Variants in PCDH15 observed in about 807,000 individuals in gnomAD.
The protein encoded by PCDH15 is protocadherin-15.
Under a neutral mutation model 178.5 loss-of-function variants are expected in PCDH15, and 129 were observed. That is an observed-to-expected ratio of 0.72 (90% CI 0.63 to 0.84). PCDH15 has a LOEUF of 0.84. Ranked by LOEUF, PCDH15 falls within the 40% of genes least tolerant of loss-of-function variation. The pLI, the probability that PCDH15 is intolerant of heterozygous loss-of-function variation, is 0.00. For synonymous variants in PCDH15, 800 were observed against 732.0 expected, an observed-to-expected ratio of 1.09 and a Z score of -1.50; for missense variants, 2,230 against 2,099.9, an observed-to-expected ratio of 1.06 and a Z score of -1.21.
chr10:54,266,968 T>A (rs2057733054), intron 8 of PCDH15, among the ~76,000 whole-genome samples: 1 of 151,512 alleles, frequency 6.6e-6, no homozygotes, highest in Non-Finnish European at 1.5e-5. Flanking sequence ...ATATGGCAAA[T>A]ACACACACAC....
intron 3 of PCDH15, among the ~76,000 whole-genome samples, chr10:54,835,577 T>G (rs926917457): frequency 6.6e-6 from 1 of 152,122 alleles, no homozygotes; most frequent in Non-Finnish European, 1.5e-5. Context: ...CCCACCTTGA[T>G]GCACATGGAA....
chr10:53,811,892 C>T (rs1455801030), intron 35 of PCDH15, among the ~76,000 whole-genome samples: 6 of 152,112 alleles, frequency 3.9e-5, no homozygotes, highest in Non-Finnish European at 7.4e-5. Context: ...AATGGCAAAC[C>T]TGTTAAAACT....
At chr10:55,127,279 A>G (rs917889627) in intron 2 of PCDH15, among the ~76,000 whole-genome samples, 7 of 152,032 alleles carry the variant, frequency 4.6e-5, no homozygotes, top group African/African-American at 1.7e-4. Context: ...CCACTACTTG[A>G]TGCTTTATCA....
At chr10:54,638,687 T>C (rs2093918981) in intron 2 of PCDH15, among the ~76,000 whole-genome samples, 3 of 152,056 alleles carry the variant, frequency 2.0e-5, no homozygotes, top group Admixed American at 1.3e-4. Context: ...CTACTAGGTA[T>C]CTACTCAAAG....
Position 53,814,983 on chromosome 10 carries a change from C to T in PCDH15, c.4491+1256G>A, listed in dbSNP as rs1472087713. On this transcript the variant is annotated intron_variant, in intron 35 of 37. Coordinates refer to ENST00000644397, the MANE Select transcript of PCDH15 (RefSeq NM_001384140.1). Reference sequence around the variant, plus strand: ...GTCTCAAAAAAAAAAAAAAAAAAATCGAGTAAGGAACTGCTGACCAGTCAG... The same window carrying T: ...GTCTCAAAAAAAAAAAAAAAAAAATTGAGTAAGGAACTGCTGACCAGTCAG... Among the ~76,000 whole-genome samples, 8 of 143,166 alleles carry T rather than the reference C, an allele frequency of 5.6e-5. No homozygotes were observed. The East Asian group carries it at 1.5e-3, about 26-fold the overall frequency. 93.9% of individuals were successfully genotyped at this position (143,166 alleles called of 152,430 possible).
intron 3 of PCDH15, among the ~76,000 whole-genome samples, chr10:54,821,081 AG>A (rs1347010210): frequency 6.6e-6 from 1 of 152,090 alleles, no homozygotes; most frequent in Non-Finnish European, 1.5e-5. Flanking sequence ...GATTATTTCC[AG>A]AAAAAAAATT....
chr10:54,947,723 A>G (rs1276291408), intron 2 of PCDH15, among the ~76,000 whole-genome samples: 1 of 151,952 alleles, frequency 6.6e-6, no homozygotes, highest in Non-Finnish European at 1.5e-5. Context: ...TATATTCACT[A>G]TCTTGAATGG....
chr10:54,741,722 G>A (rs981885634), intron 1 of PCDH15, among the ~76,000 whole-genome samples: 5 of 151,878 alleles, frequency 3.3e-5, no homozygotes, highest in African/African-American at 1.2e-4. Context: ...ATGGCTCATG[G>A]CCCCCTTCTA....
At chr10:53,878,327 T>TATACC (rs2080415632) in intron 26 of PCDH15, among the ~76,000 whole-genome samples, 1 of 70,148 alleles carries the variant, frequency 1.4e-5, no homozygotes. Flanking sequence ...ATATATATAG[T>TATACC]CTATATAGTC....
chr10:53,957,765 G>C (rs2087778129), intron 23 of PCDH15, among the ~76,000 whole-genome samples: 1 of 151,974 alleles, frequency 6.6e-6, no homozygotes. Context: ...GGGGACTACT[G>C]TATTCCATAG....
intron 2 of PCDH15, among the ~76,000 whole-genome samples, chr10:55,449,526 T>C (rs945272608): frequency 3.9e-5 from 6 of 152,024 alleles, no homozygotes; most frequent in African/African-American, 9.7e-5. Context: ...GAGGAAGATA[T>C]ATGCAAAATA....
chr10:55,104,604 C>A (rs1842636045), intron 2 of PCDH15, among the ~76,000 whole-genome samples: 1 of 152,162 alleles, frequency 6.6e-6, no homozygotes, highest in African/African-American at 2.4e-5. Flanking sequence ...GGTGTAGCTG[C>A]AGTGATGACT....
intron 3 of PCDH15, among the ~76,000 whole-genome samples, chr10:54,524,469 G>A (rs1164794842): frequency 6.6e-6 from 1 of 152,158 alleles, no homozygotes; most frequent in Non-Finnish European, 1.5e-5. Context: ...TATGTTTAAT[G>A]TCAATCTATA....
At chr10:55,206,534 A>G (rs1840408224) in intron 1 of PCDH15, among the ~76,000 whole-genome samples, 1 of 152,108 alleles carries the variant, frequency 6.6e-6, no homozygotes, top group Non-Finnish European at 1.5e-5. Flanking sequence ...GCTTGGGACT[A>G]AAGTAAAAAG....
intron 2 of PCDH15, chr10:54,568,419 T>C (rs2089338218): frequency 6.6e-6 from 1 of 152,178 alleles, no homozygotes. Flanking sequence ...TACATCTTCA[T>C]TTGTTTATTC....
intron 20 of PCDH15, among the ~76,000 whole-genome samples, chr10:54,005,166 A>C (rs1006786309): frequency 1.3e-5 from 2 of 152,166 alleles, no homozygotes; most frequent in Non-Finnish European, 2.9e-5. Flanking sequence ...TCAAATCAAA[A>C]TTGATTAAAG....
chr10:54,393,936 C>T (rs751699327), intron 3 of PCDH15, among the ~76,000 whole-genome samples: 7 of 151,752 alleles, frequency 4.6e-5, no homozygotes, highest in Admixed American at 2.0e-4. Context: ...CCTCATATCA[C>T]GTGGTACTCC....
intron 2 of PCDH15, among the ~76,000 whole-genome samples, chr10:55,428,326 T>A (rs778612605): frequency 6.6e-6 from 1 of 151,978 alleles, no homozygotes; most frequent in Non-Finnish European, 1.5e-5. Flanking sequence ...TCAGTTATCA[T>A]TTTGCATCTC....
chr10:54,146,185 GT>G (rs1331516444), intron 14 of PCDH15, among the ~76,000 whole-genome samples: 1 of 151,848 alleles, frequency 6.6e-6, no homozygotes, highest in Non-Finnish European at 1.5e-5. Flanking sequence ...TTTGTCACTA[GT>G]AAAATGATCT....
Sources: gnomAD v4.1 joint callset for allele counts (sites outside exome capture counted in the v4.1 genomes callset) on GRCh38, gnomAD v4.1.1 for gene constraint, MANE v1.5 for transcripts, NCBI Gene and HGNC (gene_info 2026-07-23, HGNC 2026-07-21) for gene names.